DCAF17: variants seen among roughly 807,000 people sequenced by gnomAD.
DCAF17 encodes the protein DDB1 and CUL4 associated factor 17.
Under a neutral mutation model 66.0 loss-of-function variants are expected in DCAF17, and 48 were observed. The ratio of observed to expected loss-of-function variants is 0.73; its 90% CI spans 0.58 to 0.92. The LOEUF (loss-of-function observed/expected upper bound fraction) is 0.92, where lower values mean the gene tolerates loss of function less well. DCAF17 is among the 40% of genes least tolerant of loss of function. The pLI, the probability that DCAF17 is intolerant of heterozygous loss-of-function variation, is 0.00. For missense variants in DCAF17, 562 were observed against 622.8 expected (o/e 0.90, Z 1.04); for synonymous variants, 206 against 214.6 (o/e 0.96, Z 0.35).
Position 171,483,624 on chromosome 2 carries a change from A to G in DCAF17, c.*2510A>G, listed in dbSNP as rs1001893060. ...TAAGGCACTTCACATTCTTCCACCA[A>G]TTGAAAGTTTTGTATCTTACAGTTC... On this transcript the variant is annotated 3_prime_UTR_variant, in exon 14 of 14. Coordinates refer to ENST00000375255, the MANE Select transcript of DCAF17 (RefSeq NM_025000.4). The G allele has an allele frequency of 8.8e-6, 4 of 453,958 alleles. No individual in the cohort carries two copies. Among genetic ancestry groups the G allele is most frequent in the African/African-American group, 8.0e-5 (4 of 50,004 alleles). 28.1% of individuals were successfully genotyped at this position (453,958 alleles called of 1,614,324 possible).
In DCAF17 at chr2:171,473,723, G is replaced by T. The variant is rs922642807; in HGVS notation, c.982-143G>T. The stretch of plus-strand genomic sequence containing the variant: ...TCTCAAATTTGCATGTCCTCATTTG[G>T]CCCTCAAATATATTCCACTTTAACT... On this transcript the variant is annotated intron_variant, in intron 9 of 13. Transcript: ENST00000375255. 1.2e-5 allele frequency: 8 copies of T among 682,546 alleles called. No individual in the cohort carries two copies. The African/African-American group carries it at 1.4e-4, about 12-fold the overall frequency. The allele number at this position is 682,546 out of a possible 1,614,324, so 42.3% of individuals were successfully genotyped here. A position where few individuals can be genotyped will look rare whatever the true frequency, so the allele number is the denominator to read the frequency against.
At chr2:171,440,866 C>T (rs562503998) in intron 2 of DCAF17, among the ~76,000 whole-genome samples, 25 of 152,256 alleles carry the variant, frequency 1.6e-4, no homozygotes, top group Non-Finnish European at 2.9e-4. Flanking sequence ...TCTGATGGAT[C>T]TAAGAATAAT....
rs1559296274 is a variant in DCAF17 at position 171,481,699 on chromosome 2, T to C, written c.*585T>C. 2.2e-6 allele frequency: 1 copy of C among 453,770 alleles called. No homozygotes were observed. The highest frequency in any genetic ancestry group is 2.4e-5 in the Admixed American group (1 of 42,534). 28.1% of individuals were successfully genotyped at this position (453,770 alleles called of 1,614,324 possible). A position where few individuals can be genotyped will look rare whatever the true frequency, so the allele number is the denominator to read the frequency against. The stretch of plus-strand genomic sequence containing the variant: ...TATAGTATCAGGAATTGGTTCTAGT[T>C]CCCAAATTATCTTTTCTTCCTTGGT... On this transcript the variant is annotated 3_prime_UTR_variant, in exon 14 of 14. Transcript: ENST00000375255.
chr2:171,465,529 G>C (rs941277671), intron 8 of DCAF17, among the ~76,000 whole-genome samples: 9 of 152,026 alleles, frequency 5.9e-5, no homozygotes, highest in Admixed American at 5.9e-4. Flanking sequence ...TGTCACCCAG[G>C]CTGGAGTGCA....
chr2:171,448,185 G>A (rs1694741019), intron 3 of DCAF17, among the ~76,000 whole-genome samples: 1 of 152,092 alleles, frequency 6.6e-6, no homozygotes, highest in Non-Finnish European at 1.5e-5. Context: ...AGGCTGGAGT[G>A]CAGTGGCATA....
intron 8 of DCAF17, among the ~76,000 whole-genome samples, chr2:171,465,874 T>C (rs1695868375): frequency 6.6e-6 from 1 of 152,216 alleles, no homozygotes; most frequent in South Asian, 2.1e-4. Flanking sequence ...TTTTAGATTC[T>C]GGTTTATCTT....
intron 6 of DCAF17, among the ~76,000 whole-genome samples, chr2:171,454,964 A>G (rs1682562954): frequency 6.7e-6 from 1 of 149,802 alleles, no homozygotes; most frequent in South Asian, 2.1e-4. Flanking sequence ...TTTTCTTTAT[A>G]TATTTTCTTT....
intron 9 of DCAF17, among the ~76,000 whole-genome samples, chr2:171,472,551 A>G (rs1432856097): frequency 1.3e-5 from 2 of 152,164 alleles, no homozygotes; most frequent in African/African-American, 4.8e-5. Flanking sequence ...TTTAAGGCTC[A>G]TTTCAACCTT....
At chr2:171,436,007 C>G (rs1006342177) in intron 2 of DCAF17, among the ~76,000 whole-genome samples, 7 of 152,190 alleles carry the variant, frequency 4.6e-5, no homozygotes, top group African/African-American at 7.2e-5. Context: ...TACCCTCAGC[C>G]CTAAGCAACC....
At chr2:171,434,846 G>A in intron 1 of DCAF17, 143 bp downstream of exon 1, 2 of 1,296,320 alleles carry the variant, frequency 1.5e-6, no homozygotes, top group Admixed American at 3.0e-5. Context: ...CCCGGAATCT[G>A]GGATAGGTGG....
At chr2:171,451,034 T>C (rs578249070) in intron 5 of DCAF17, among the ~76,000 whole-genome samples, 1 of 151,454 alleles carries the variant, frequency 6.6e-6, no homozygotes, top group African/African-American at 2.4e-5. Flanking sequence ...TATATAGAAC[T>C]CTAGCATTAA....
In DCAF17 at chr2:171,476,948, A is replaced by C. The variant is rs749751184; in HGVS notation, c.1180A>C (p.Lys394Gln). The C allele has an allele frequency of 6.2e-7, 1 of 1,607,286 alleles. No homozygotes were observed. Among genetic ancestry groups the C allele is most frequent in the Admixed American group, 1.7e-5 (1 of 59,958 alleles). ...CATTTTGGCCAACAGGGAGAACCAT[A>C]AAGTAAGTCAAGAGTACTTTAAAAT... ...FVILANRENH[K>Q]NENVLTVTAS... The change falls in exon 11 of 14, where the codon AAA becomes CAA. Residue 394 changes from lysine to glutamine, a missense_variant and splice_region_variant. This residue lies in a region of DCAF17 where 201 missense variants were observed against 231.1 expected (regional missense o/e 0.87). Coordinates refer to ENST00000375255, the MANE Select transcript of DCAF17 (RefSeq NM_025000.4).
intron 2 of DCAF17, 29 bp downstream of exon 2, chr2:171,435,215 A>T (rs771548032): frequency 1.1e-5 from 17 of 1,489,044 alleles, no homozygotes; most frequent in Non-Finnish European, 1.5e-5. Flanking sequence ...TTTTGCTGTA[A>T]TTCACCTCAC....
In DCAF17 at chr2:171,478,084, C is replaced by A; in HGVS notation, c.1266+14C>A. On this transcript the variant is annotated intron_variant, in intron 12 of 13. Transcript: ENST00000375255. ...CCAGAACAAGAGGTATTGCTTTGGC[C>A]AGAGATGACAAACCAAACCAGTGTG... 6.2e-7 allele frequency: 1 copy of A among 1,605,962 alleles called. No individual in the cohort carries two copies. The highest frequency in any genetic ancestry group is 8.5e-7 in the Non-Finnish European group (1 of 1,172,782).
chr2:171,462,412 A>T (rs1435729614), intron 8 of DCAF17, among the ~76,000 whole-genome samples: 1 of 152,200 alleles, frequency 6.6e-6, no homozygotes, highest in East Asian at 1.9e-4. Flanking sequence ...TGATCAAAGG[A>T]TATTGTTTAA....
chr2:171,476,830 A>T (rs2105808445), intron 10 of DCAF17, 30 bp from the exon 11 acceptor site: 1 of 1,550,620 alleles, frequency 6.4e-7, no homozygotes, highest in East Asian at 2.2e-5. Flanking sequence ...TTGAAGTCTT[A>T]GGTTCTCAGA....
At chr2:171,446,317 G>A (rs1048874799) in intron 3 of DCAF17, among the ~76,000 whole-genome samples, 6 of 152,134 alleles carry the variant, frequency 3.9e-5, no homozygotes, top group Non-Finnish European at 5.9e-5. Context: ...GGAGGCCGAG[G>A]CGGGCAGATC....
intron 2 of DCAF17, among the ~76,000 whole-genome samples, chr2:171,441,649 C>A (rs1694313383): frequency 6.6e-6 from 1 of 152,210 alleles, no homozygotes; most frequent in African/African-American, 2.4e-5. Context: ...GAGCCTTGTA[C>A]TCTTGGCTGC....
chr2:171,457,209 T>A (rs1457195663), intron 6 of DCAF17, among the ~76,000 whole-genome samples: 2 of 152,246 alleles, frequency 1.3e-5, no homozygotes, highest in East Asian at 3.8e-4. Context: ...AATTGTTCTC[T>A]CTGTGCCTGT....
Sources: gnomAD v4.1 joint callset for allele counts (sites outside exome capture counted in the v4.1 genomes callset) on GRCh38, gnomAD v4.1.1 for gene constraint, gnomAD v4.1.1 regional missense constraint, MANE v1.5 for transcripts, NCBI Gene and HGNC (gene_info 2026-07-23, HGNC 2026-07-21) for gene names.